The following DGKD variants were observed in gnomAD, a reference collection of about 807,000 sequenced individuals.
The protein encoded by DGKD is diacylglycerol kinase delta.
A neutral mutation model predicts 154.4 loss-of-function variants in DGKD; 68 were observed. The ratio of observed to expected loss-of-function variants is 0.44; its 90% CI spans 0.36 to 0.54. The LOEUF is 0.54. DGKD is among the 20% of genes least tolerant of loss of function. DGKD has a pLI of 0.00. For synonymous variants in DGKD, 693 were observed against 638.0 expected (o/e 1.09, Z -1.30); for missense variants, 1,343 against 1,593.6 (o/e 0.84, Z 2.68).
intron 3 of DGKD, chr2:233,419,448 A>G (rs1265240170): frequency 1.0e-6 from 1 of 985,480 alleles, no homozygotes; most frequent in East Asian, 1.1e-4. Flanking sequence ...ACAGTGTGCC[A>G]TCATACTGGG....
intron 1 of DGKD, among the ~76,000 whole-genome samples, chr2:233,355,775 T>G (rs1261977453): frequency 6.6e-6 from 1 of 152,256 alleles, no homozygotes; most frequent in African/African-American, 2.4e-5. Context: ...AACAATTCTT[T>G]AATAAGCCTT....
chr2:233,422,405 C>T (rs559042272), intron 3 of DGKD, among the ~76,000 whole-genome samples: 4 of 152,322 alleles, frequency 2.6e-5, no homozygotes, highest in South Asian at 2.1e-4. Context: ...GCAGCTCAAC[C>T]GGAGGGCGTG....
At chr2:233,462,873 G>A (rs1363588358) in intron 26 of DGKD, 138 bp downstream of exon 26, 8 of 774,410 alleles carry the variant, frequency 1.0e-5, no homozygotes, top group Non-Finnish European at 1.7e-5. Flanking sequence ...AGGTCATTTG[G>A]TTTGTTGTGC....
chr2:233,409,557 T>A (rs991531706), intron 3 of DGKD, among the ~76,000 whole-genome samples: 5 of 151,954 alleles, frequency 3.3e-5, no homozygotes, highest in African/African-American at 1.2e-4. Context: ...CTCTAGGAAA[T>A]CATGTTAAAA....
At chr2:233,451,570 CTTT>C (rs201064758) in intron 17 of DGKD, among the ~76,000 whole-genome samples, 1 of 141,708 alleles carries the variant, frequency 7.1e-6, no homozygotes. Flanking sequence ...CTCTATAAGC[CTTT>C]TTTTTTTTTT....
chr2:233,390,435 T>A lies in DGKD; in HGVS notation c.300T>A (p.Asp100Glu). The A allele has an allele frequency of 6.2e-7, 1 of 1,614,156 alleles. No homozygotes were observed. The highest frequency in any genetic ancestry group is 8.5e-7 in the Non-Finnish European group (1 of 1,180,000). ...SIIFDEVDLT[D>E]ASVAESSTKN... ...TATTTGATGAGGTGGATCTGACAGATGCCAGCGTAGCTGAATCCAGTACCA... is the reference window on the plus strand; with the variant it reads ...TATTTGATGAGGTGGATCTGACAGAAGCCAGCGTAGCTGAATCCAGTACCA... The change falls in exon 3 of 30, where the codon GAT becomes GAA. Residue 100 changes from aspartate to glutamate, a missense_variant. Asp to Glu is a conservative substitution (Grantham distance 45, BLOSUM62 2). Around this residue, in one of 6 missense-constraint regions of DGKD, gnomAD observed 332 missense variants for 400.1 expected, o/e 0.83. Coordinates refer to ENST00000264057, the MANE Select transcript of DGKD (RefSeq NM_152879.3).
At chr2:233,442,262 C>T (rs1196105124) in intron 10 of DGKD, 2 of 595,906 alleles carry the variant, frequency 3.4e-6, no homozygotes, top group South Asian at 1.6e-5. Context: ...CACAAAGGAC[C>T]CACATGGGGA....
chr2:233,466,898 A>C (rs2063839380), intron 27 of DGKD, among the ~76,000 whole-genome samples, 188 bp from the exon 28 acceptor site: 1 of 152,262 alleles, frequency 6.6e-6, no homozygotes, highest in African/African-American at 2.4e-5. Flanking sequence ...AACCACTTTA[A>C]CACTCACTAA....
At chr2:233,465,376 C>T (rs963158869) in intron 27 of DGKD, among the ~76,000 whole-genome samples, 2 of 152,176 alleles carry the variant, frequency 1.3e-5, no homozygotes, top group Admixed American at 6.5e-5. Context: ...GGGAGGAAAG[C>T]ATGTTAAATT....
rs1039176654 is a variant in DGKD, at chr2:233,451,981, T to G, written c.2185T>G (p.Ser729Ala). ...ILYPNVRAGM[S>A]GSLPGGSVIS... ...CTTTACAGATGTCCGGGCTGGAATG[T>G]CTGGTTCCTTACCCGGTGGCTCAGT... The change falls in exon 18 of 30, where the codon TCT becomes GCT. Residue 729 changes from serine (S) to alanine (A), a missense_variant. Around this residue, in one of 6 missense-constraint regions of DGKD, gnomAD observed 409 missense variants for 446.0 expected, o/e 0.92. Coordinates refer to ENST00000264057, the MANE Select transcript of DGKD (RefSeq NM_152879.3). 1 of 1,613,930 alleles carries G rather than the reference T, an allele frequency of 6.2e-7. No individual in the cohort carries two copies. The highest frequency in any genetic ancestry group is 1.3e-5 in the African/African-American group (1 of 74,926).
intron 3 of DGKD, among the ~76,000 whole-genome samples, chr2:233,418,080 T>C (rs1026877357): frequency 3.3e-5 from 5 of 152,250 alleles, no homozygotes; most frequent in African/African-American, 9.6e-5. Flanking sequence ...TTATACAGAC[T>C]AGTTTATGAC....
intron 3 of DGKD, among the ~76,000 whole-genome samples, chr2:233,419,956 C>T (rs1247857625): frequency 1.3e-5 from 2 of 152,158 alleles, no homozygotes; most frequent in Non-Finnish European, 2.9e-5. Flanking sequence ...CCAGGACCTC[C>T]CTTTCCTCCC....
chr2:233,445,861 C>A lies in DGKD; in HGVS notation c.1334+99C>A. ...CCTGGGGTCTGTGGAAAACATGGGC[C>A]CTCTGAAATTATTTGTAAAGATTTG... On this transcript the variant is annotated intron_variant, in intron 11 of 29. Coordinates refer to ENST00000264057, the MANE Select transcript of DGKD (RefSeq NM_152879.3). This position sits in a 1 kb window ranked among gnomAD's most constrained non-coding sequence, Gnocchi z 5.5. 2 of 1,359,602 alleles carry A rather than the reference C, an allele frequency of 1.5e-6. No individual in the cohort carries two copies. Among genetic ancestry groups the A allele is most frequent in the Non-Finnish European group, 2.0e-6 (2 of 1,021,974 alleles). The allele number at this position is 1,359,602 out of a possible 1,614,324, so 84.2% of individuals were successfully genotyped here.
chr2:233,424,558 T>C (rs2062228424), intron 3 of DGKD, among the ~76,000 whole-genome samples: 1 of 152,164 alleles, frequency 6.6e-6, no homozygotes, highest in Non-Finnish European at 1.5e-5. Context: ...CTGAGTGAGC[T>C]TGGGAGAGCT....
At chr2:233,383,269 G>T (rs965664316) in intron 1 of DGKD, among the ~76,000 whole-genome samples, 1 of 152,080 alleles carries the variant, frequency 6.6e-6, no homozygotes, top group Non-Finnish European at 1.5e-5. Flanking sequence ...TCGAACTCCT[G>T]ACCTCAGGTG....
chr2:233,394,174 A>C (rs1703840258), intron 3 of DGKD, among the ~76,000 whole-genome samples: 1 of 152,182 alleles, frequency 6.6e-6, no homozygotes, highest in Non-Finnish European at 1.5e-5. Flanking sequence ...TAAGCGTGTA[A>C]ATATTTAAAA....
chr2:233,454,002 T>C (rs1310401928), intron 18 of DGKD, among the ~76,000 whole-genome samples: 1 of 152,264 alleles, frequency 6.6e-6, no homozygotes, highest in Non-Finnish European at 1.5e-5. Context: ...TGTGAGTTTC[T>C]GTGCCATAAA....
In DGKD at chr2:233,445,894, T is replaced by C; in HGVS notation, c.1334+132T>C. 1 of 1,102,170 alleles carries C rather than the reference T, an allele frequency of 9.1e-7. No homozygotes were observed. 68.3% of individuals were successfully genotyped at this position (1,102,170 alleles called of 1,614,324 possible). On this transcript the variant is annotated intron_variant, in intron 11 of 29. Coordinates refer to ENST00000264057, the MANE Select transcript of DGKD (RefSeq NM_152879.3). The surrounding 1 kb of genome is among the most constrained non-coding windows in gnomAD (Gnocchi z 5.5). ...ATTATTTGTAAAGATTTGACCTGAG[T>C]ATATATTCGGATAGTCTTTGATATT...
chr2:233,442,281 G>C (rs899426668), intron 10 of DGKD: 62 of 554,084 alleles, frequency 1.1e-4, no homozygotes, highest in Admixed American at 9.1e-4. Context: ...GAGCAGGGCT[G>C]GGTGGGGCTG....
Sources: allele counts gnomAD v4.1 joint callset (sites outside exome capture counted in the v4.1 genomes callset), GRCh38; gene constraint gnomAD v4.1.1; regional missense constraint gnomAD v4.1.1; non-coding constraint Gnocchi (gnomAD v3.1); transcripts MANE v1.5; gene names NCBI Gene and HGNC (gene_info 2026-07-23, HGNC 2026-07-21).